GGT5: variants seen among roughly 807,000 people sequenced by gnomAD.
GGT5 encodes glutathione hydrolase 5 proenzyme.
GGT5 carries 50 observed loss-of-function variants against 58.1 expected under a neutral mutation model. The observed-to-expected ratio is 0.86, with a 90% CI of 0.69 to 1.09. The LOEUF (loss-of-function observed/expected upper bound fraction) is 1.09. GGT5 is among the 50% of genes least tolerant of loss of function. The probability of loss-of-function intolerance (pLI) is 0.00; values close to 1 mark genes in which losing one functional copy is unlikely to be tolerated. For missense variants in GGT5, 800 were observed against 789.4 expected, an observed-to-expected ratio of 1.01 and a Z score of -0.16; for synonymous variants, 370 against 346.1, an observed-to-expected ratio of 1.07 and a Z score of -0.77.
chr22:24,238,827 A>ATT, intron 1 of GGT5, among the ~76,000 whole-genome samples: 1 of 11,074 alleles, frequency 9.0e-5, no homozygotes, highest in East Asian at 3.3e-3. Context: ...ATATATATAT[A>ATT]TATATTTATA....
At chr22:24,233,126 G>A (rs1171925371) in intron 3 of GGT5, 108 bp from the exon 4 acceptor site, 1 of 854,096 alleles carries the variant, frequency 1.2e-6, no homozygotes, top group African/African-American at 1.7e-5. Flanking sequence ...TGAGCTTTCT[G>A]GAGCCCACAC....
In GGT5 at chr22:24,244,569, A is replaced by C. The variant is rs1403411813; in HGVS notation, c.157T>G (p.Cys53Gly). Residue 53 changes from cysteine (C) to glycine (G), a missense_variant, in exon 1 of 12, where the codon TGC (cysteine) becomes GGC (glycine). Cys to Gly is a radical substitution (Grantham distance 159, BLOSUM62 -3). Transcript: ENST00000327365. The stretch of plus-strand genomic sequence containing the variant: ...CTCACTCACCGTCCAATATCCGAGC[A>C]GACCTTGGAGTCGGCGGCAACAGCA... ...HAAVAADSKVCSDIGRAILQQ... is the reference protein window; with the variant it reads ...HAAVAADSKVGSDIGRAILQQ... 2 of 1,612,048 alleles carry C rather than the reference A, an allele frequency of 1.2e-6. No individual in the cohort carries two copies. The highest frequency in any genetic ancestry group is 1.7e-6 in the Non-Finnish European group (2 of 1,179,760).
chr22:24,219,976 G>A lies in GGT5; in HGVS notation c.1755C>T (p.Gly585=). The change falls in exon 12 of 12, where the codon GGC becomes GGT. Residue 585 remains glycine (G), a synonymous_variant. Coordinates refer to ENST00000327365, the MANE Select transcript of GGT5 (RefSeq NM_004121.5). ...SDLRKSGEAA[G]Y ...CTCTGGGCAGAGCAGTGTCTTAGTA[G>A]CCTGCGGCCTCCCCACTCTTCCTCA... The A allele has an allele frequency of 1.2e-6, 2 of 1,614,050 alleles. No homozygotes were observed. The highest frequency in any genetic ancestry group is 2.2e-5 in the South Asian group (2 of 91,082).
chr22:24,235,698 C>G lies in GGT5; in HGVS notation c.174-1694G>C, dbSNP rs115356780. On this transcript the variant is annotated intron_variant, in intron 1 of 11. Coordinates refer to ENST00000327365, the MANE Select transcript of GGT5 (RefSeq NM_004121.5). The stretch of plus-strand genomic sequence containing the variant: ...AAACACCATAAACAAAGCCAAATGA[C>G]AAACTGGGGGAAAAAACACTTTAAA... 2.3e-3 allele frequency among the ~76,000 whole-genome samples: 355 copies of G among 152,308 alleles called. 2 individuals carry two copies. The highest frequency in any genetic ancestry group is 8.0e-3 in the African/African-American group (333 of 41,564).
At chr22:24,243,305 G>C (rs982206789) in intron 1 of GGT5, 2 of 152,274 alleles carry the variant, frequency 1.3e-5, no homozygotes, top group East Asian at 3.9e-4. Flanking sequence ...AGAGCCACTG[G>C]GGAGACTAAG....
At chr22:24,238,489 C>T (rs1281082067) in intron 1 of GGT5, among the ~76,000 whole-genome samples, 7 of 149,360 alleles carry the variant, frequency 4.7e-5, no homozygotes, top group Non-Finnish European at 8.9e-5. Flanking sequence ...GAGCAGATAT[C>T]GTGCCATTGC....
At chr22:24,223,597 A>G (rs2047662764) in intron 11 of GGT5, among the ~76,000 whole-genome samples, 1 of 151,908 alleles carries the variant, frequency 6.6e-6, no homozygotes, top group Non-Finnish European at 1.5e-5. Context: ...CCTTAGTCTC[A>G]AGGTCTGAAA....
rs559937841 is a variant in GGT5, at chr22:24,238,821, AT to A, written c.174-4818del. On this transcript the variant is annotated intron_variant, in intron 1 of 11. Transcript: ENST00000327365. The stretch of plus-strand genomic sequence containing the variant: ...TATATATATATAATATATTATATAT[AT>A]ATATATATATTTATATATATATATT... Among the ~76,000 whole-genome samples, 72 of 16,988 alleles carry A rather than the reference AT, an allele frequency of 4.2e-3. 2 individuals are homozygous for A. The highest frequency in any genetic ancestry group is 6.3e-3 in the African/African-American group (19 of 3,026). 11.1% of individuals were successfully genotyped at this position (16,988 alleles called of 152,430 possible). A position where few individuals can be genotyped will look rare whatever the true frequency, so the allele number is the denominator to read the frequency against.
chr22:24,222,881 T>G (rs192679946), intron 11 of GGT5, among the ~76,000 whole-genome samples: 13 of 149,746 alleles, frequency 8.7e-5, no homozygotes, highest in South Asian at 2.1e-4. Context: ...ATCGAGACCA[T>G]CCTGGCTAAC....
chr22:24,244,442 T>A (rs1601444499), intron 1 of GGT5, 111 bp downstream of exon 1: 13 of 900,972 alleles, frequency 1.4e-5, no homozygotes, highest in East Asian at 2.5e-5. Flanking sequence ...ACCCAGACAC[T>A]CACACACACA....
chr22:24,227,844 G>A (rs1418871752), intron 6 of GGT5, among the ~76,000 whole-genome samples: 1 of 151,872 alleles, frequency 6.6e-6, no homozygotes, highest in African/African-American at 2.4e-5. Context: ...GAGGTCAGGA[G>A]TTCAAGACCA....
intron 1 of GGT5, among the ~76,000 whole-genome samples, chr22:24,236,082 C>G (rs1486639915): frequency 6.6e-6 from 1 of 152,152 alleles, no homozygotes; most frequent in Non-Finnish European, 1.5e-5. Context: ...TCCGCCAGTC[C>G]TCTCCCTACA....
At chr22:24,233,138 C>T (rs549034174) in intron 3 of GGT5, 120 bp from the exon 4 acceptor site, 36 of 730,408 alleles carry the variant, frequency 4.9e-5, no homozygotes, top group Non-Finnish European at 6.7e-5. Flanking sequence ...AGCCCACACC[C>T]GACCACGTCC....
At chr22:24,232,759 G>T in intron 4 of GGT5, 64 bp downstream of exon 4, 2 of 1,167,478 alleles carry the variant, frequency 1.7e-6, no homozygotes, top group East Asian at 2.8e-5. Context: ...GCTGGGGTGT[G>T]GACTGGGCCC....
chr22:24,225,977 G>A (rs2047747564), intron 8 of GGT5, 99 bp downstream of exon 8: 32 of 828,618 alleles, frequency 3.9e-5, no homozygotes, highest in Non-Finnish European at 5.5e-5. Context: ...AAAGCAAGGT[G>A]CTGCCCCGTG....
intron 11 of GGT5, among the ~76,000 whole-genome samples, chr22:24,222,882 C>T (rs557719683): frequency 2.0e-5 from 3 of 150,028 alleles, no homozygotes; most frequent in African/African-American, 4.9e-5. Flanking sequence ...TCGAGACCAT[C>T]CTGGCTAACA....
In GGT5 at chr22:24,225,080, G is replaced by A. The variant is rs1198548783; in HGVS notation, c.1530C>T (p.Gly510=). The part of the protein sequence containing the change: ...AQAIMSKLWL[G]FDLRAAIAAP... ...CTGCAATGGCCGCTCTCAGGTCAAA[G>A]CCAAGCCACAGCTTGCTCATGATGG... The change falls in exon 11 of 12, where the codon GGC becomes GGT. Residue 510 remains glycine, a synonymous_variant. Coordinates refer to ENST00000327365, the MANE Select transcript of GGT5 (RefSeq NM_004121.5). The A allele has an allele frequency of 3.7e-5, 60 of 1,600,462 alleles. No homozygotes were observed. Among genetic ancestry groups the A allele is most frequent in the Non-Finnish European group, 4.8e-5 (56 of 1,173,824 alleles).
intron 1 of GGT5, chr22:24,241,681 A>G (rs917755941): frequency 7.2e-5 from 11 of 152,206 alleles, no homozygotes; most frequent in Non-Finnish European, 1.3e-4. Flanking sequence ...ACCATCAGGA[A>G]CGAGTAGAAT....
intron 11 of GGT5, among the ~76,000 whole-genome samples, chr22:24,221,601 T>C (rs1231776438): frequency 6.6e-6 from 1 of 152,168 alleles, no homozygotes. Flanking sequence ...CAACTTCCCC[T>C]CCCAGGTTCA....
Sources: allele counts gnomAD v4.1 joint callset (sites outside exome capture counted in the v4.1 genomes callset), GRCh38; gene constraint gnomAD v4.1.1; transcripts MANE v1.5; gene names NCBI Gene and HGNC (gene_info 2026-07-23, HGNC 2026-07-21).